Variants in NSUN7 observed in about 807,000 individuals in gnomAD.
NSUN7 encodes the protein NOP2/Sun RNA methyltransferase family member 7.
NSUN7 carries 39 observed loss-of-function variants against 58.5 expected under a neutral mutation model. The ratio of observed to expected loss-of-function variants is 0.67; its 90% confidence interval spans 0.52 to 0.87. NSUN7 has a LOEUF of 0.87. NSUN7 is among the 40% of genes least tolerant of loss of function. The probability of loss-of-function intolerance (pLI) is 0.00; values close to 1 mark genes in which losing one functional copy is unlikely to be tolerated. For synonymous variants in NSUN7, 278 were observed against 303.7 expected (o/e 0.92, Z 0.88); for missense variants, 765 against 844.1 (o/e 0.91, Z 1.16).
At chr4:40,755,538 T>C (rs2154286416) in intron 2 of NSUN7, among the ~76,000 whole-genome samples, 1 of 152,348 alleles carries the variant, frequency 6.6e-6, no homozygotes, top group East Asian at 1.9e-4. Context: ...TTTATATTTT[T>C]GTTGCTGAAC....
chr4:40,759,238 G>T (rs938285833), intron 2 of NSUN7, among the ~76,000 whole-genome samples: 1 of 152,170 alleles, frequency 6.6e-6, no homozygotes, highest in African/African-American at 2.4e-5. Flanking sequence ...TTGAACCCGG[G>T]AGGTGGAGGT....
intron 1 of NSUN7, 38 bp from the exon 2 acceptor site, chr4:40,750,564 GA>G (rs774367070): frequency 6.3e-5 from 71 of 1,119,434 alleles, no homozygotes; most frequent in Non-Finnish European, 8.7e-5. Context: ...GGGTGCTGCA[GA>G]AAGAGTGATT....
chr4:40,805,091 C>T (rs1305475298), intron 10 of NSUN7, among the ~76,000 whole-genome samples: 1 of 152,200 alleles, frequency 6.6e-6, no homozygotes. Flanking sequence ...TCTTCTACTG[C>T]TTGCCATCTG....
Position 40,776,119 on chromosome 4 carries a change from T to C in NSUN7, c.896T>C (p.Val299Ala), listed in dbSNP as rs764389943. The change falls in exon 7 of 12, where the codon GTC becomes GCC. Residue 299 changes from valine to alanine, a missense_variant. Coordinates refer to ENST00000381782, the MANE Select transcript of NSUN7 (RefSeq NM_024677.6). ...LLNMDDDVLM[V>A]NTGSWYTVSH... is the part of the protein sequence containing the mutation. ...AATATGGATGATGATGTCTTAATGG[T>C]CAATACAGGCTCATGGTACACAGTT... 1.2e-6 allele frequency: 2 copies of C among 1,608,668 alleles called. No individual in the cohort carries two copies. The highest frequency in any genetic ancestry group is 1.7e-6 in the Non-Finnish European group (2 of 1,176,046).
chr4:40,751,013 G>T, intron 2 of NSUN7, 22 bp downstream of exon 2: 1 of 1,607,246 alleles, frequency 6.2e-7, no homozygotes, highest in Non-Finnish European at 8.5e-7. Context: ...CAGTCTGGAA[G>T]ATCAACACTA....
rs1219677545 is a variant in NSUN7, at chr4:40,804,752, C to T, written c.1401-2309C>T. 4.6e-5 allele frequency among the ~76,000 whole-genome samples: 7 copies of T among 152,036 alleles called. No individual in the cohort carries two copies. The East Asian group carries it at 1.4e-3, about 29-fold the overall frequency. The stretch of plus-strand genomic sequence containing the variant: ...AGTACATGCTTCTCTGGTCTTAGTA[C>T]TCATTATGGTCATCAGTATCTGCAC... On this transcript the variant is annotated intron_variant, in intron 10 of 11. Transcript: ENST00000381782.
At chr4:40,772,808 C>T (rs1379415942) in intron 4 of NSUN7, among the ~76,000 whole-genome samples, 2 of 152,192 alleles carry the variant, frequency 1.3e-5, no homozygotes, top group African/African-American at 4.8e-5. Context: ...TTCTGTACCA[C>T]CCACCAACCA....
intron 4 of NSUN7, among the ~76,000 whole-genome samples, chr4:40,763,751 C>T (rs1741573773): frequency 6.6e-6 from 1 of 152,164 alleles, no homozygotes; most frequent in Non-Finnish European, 1.5e-5. Context: ...CCATAATTCA[C>T]ATCATGCTAC....
chr4:40,780,282 AAATCAATC>A lies in NSUN7; in HGVS notation c.1036+4043_1036+4050del, dbSNP rs76768481. Among the ~76,000 whole-genome samples, 16 of 150,424 alleles carry A rather than the reference AAATCAATC, an allele frequency of 1.1e-4. No individual in the cohort carries two copies. The South Asian group carries it at 1.5e-3, about 14-fold the overall frequency. ...GCAACAGAGTGAGACTCCGTCTCAT[AAATCAATC>A]AATCAATCAATCAATCAATAAAGGA... On this transcript the variant is annotated intron_variant, in intron 7 of 11. Transcript: ENST00000381782.
At chr4:40,776,462 G>T (rs1742274362) in intron 7 of NSUN7, 1 of 423,908 alleles carries the variant, frequency 2.4e-6, no homozygotes, top group Non-Finnish European at 4.2e-6. Context: ...TTAATTTCTT[G>T]GTACTTTGTA....
chr4:40,760,525 C>T (rs1328389642), intron 3 of NSUN7, 33 bp downstream of exon 3: 15 of 1,500,594 alleles, frequency 1.0e-5, no homozygotes, highest in African/African-American at 1.4e-5. Context: ...TACATCGTTT[C>T]ATGATTTTTT....
intron 10 of NSUN7, among the ~76,000 whole-genome samples, chr4:40,804,841 T>G (rs57130796): frequency 0.13 from 20,378 of 152,062 alleles, 1,443 homozygotes; most frequent in Non-Finnish European, 0.16. Flanking sequence ...CCTATTATTT[T>G]CATTGCTGTC....
At position 40,783,742 on chromosome 4, in the gene NSUN7, G is replaced by A. The variant is rs557063297; in HGVS notation, c.1037-6860G>A. Among the ~76,000 whole-genome samples, 5 of 152,140 alleles carry A rather than the reference G, an allele frequency of 3.3e-5. 1 individual carries two copies. Among genetic ancestry groups the A allele is most frequent in the African/African-American group, 1.2e-4 (5 of 41,498 alleles). On this transcript the variant is annotated intron_variant, in intron 7 of 11. Transcript: ENST00000381782. ...GCACACTGGTAATCCCAGCTACTCAGGAGGCTGAGGCAGGAGAATCACTTG... is the reference window on the plus strand; with the variant it reads ...GCACACTGGTAATCCCAGCTACTCAAGAGGCTGAGGCAGGAGAATCACTTG...
chr4:40,807,213 A>G (rs1743842320), intron 11 of NSUN7, 29 bp downstream of exon 11: 1 of 1,531,154 alleles, frequency 6.5e-7, no homozygotes, highest in Non-Finnish European at 8.8e-7. Context: ...AATCCATGTC[A>G]TACTTTGGAA....
chr4:40,790,092 A>C (rs1218643288), intron 7 of NSUN7, among the ~76,000 whole-genome samples: 2 of 139,584 alleles, frequency 1.4e-5, no homozygotes, highest in African/African-American at 5.3e-5. Context: ...TCTGGAGAGA[A>C]GATAGAACAT....
chr4:40,808,072 T>C (rs1743895790), intron 11 of NSUN7, among the ~76,000 whole-genome samples: 1 of 150,188 alleles, frequency 6.7e-6, no homozygotes, highest in African/African-American at 2.5e-5. Flanking sequence ...ATTCTTTTTT[T>C]CTATCAGGTA....
At chr4:40,779,552 C>T (rs548219579) in intron 7 of NSUN7, among the ~76,000 whole-genome samples, 3 of 152,082 alleles carry the variant, frequency 2.0e-5, no homozygotes, top group South Asian at 2.1e-4. Flanking sequence ...TGCAGTGAGC[C>T]GAGATTGCGC....
intron 7 of NSUN7, among the ~76,000 whole-genome samples, chr4:40,784,847 T>C (rs571494388): frequency 3.3e-5 from 5 of 152,254 alleles, no homozygotes; most frequent in African/African-American, 1.2e-4. Context: ...CTCTCTCAAA[T>C]TGAAAACAAA....
At chr4:40,772,996 G>A (rs990316190) in intron 4 of NSUN7, 4 of 152,146 alleles carry the variant, frequency 2.6e-5, no homozygotes, top group African/African-American at 7.2e-5. Flanking sequence ...AAAAATCATT[G>A]AGCCATCATG....
Sources: allele counts gnomAD v4.1 joint callset (sites outside exome capture counted in the v4.1 genomes callset), GRCh38; gene constraint gnomAD v4.1.1; transcripts MANE v1.5; gene names NCBI Gene and HGNC (gene_info 2026-07-23, HGNC 2026-07-21).